PTPRT: variants seen among roughly 807,000 people sequenced by gnomAD.
PTPRT encodes the protein receptor-type tyrosine-protein phosphatase T.
In PTPRT, 56 loss-of-function variants were observed where a neutral mutation model predicts 176.8. The observed-to-expected ratio is 0.32, with a 90% CI of 0.26 to 0.40. PTPRT has a LOEUF of 0.40. Among genes scored for constraint, PTPRT ranks in the 10% least tolerant of loss-of-function variants. PTPRT has a pLI of 1.00. For synonymous variants in PTPRT, 783 were observed against 739.0 expected (o/e 1.06, Z -0.96); for missense variants, 1,540 against 1,908.2 (o/e 0.81, Z 3.60).
chr20:42,618,836 C>G (rs1329781685), intron 7 of PTPRT, among the ~76,000 whole-genome samples: 1 of 141,180 alleles, frequency 7.1e-6, no homozygotes, highest in Non-Finnish European at 1.5e-5. Context: ...ATGTGTGTCT[C>G]TGCACGTGAG....
chr20:43,009,929 A>T (rs1249435385), intron 1 of PTPRT, among the ~76,000 whole-genome samples: 2 of 152,098 alleles, frequency 1.3e-5, no homozygotes, highest in Non-Finnish European at 2.9e-5. Context: ...AGATTTCACC[A>T]ATCTGCCCTC....
chr20:43,118,838 A>C (rs2013152469), intron 1 of PTPRT, among the ~76,000 whole-genome samples: 1 of 152,172 alleles, frequency 6.6e-6, no homozygotes, highest in African/African-American at 2.4e-5. Flanking sequence ...ATTCCAACCA[A>C]ATCCTGTGTA....
intron 7 of PTPRT, among the ~76,000 whole-genome samples, chr20:42,640,307 T>A (rs915978503): frequency 6.6e-6 from 1 of 152,172 alleles, no homozygotes; most frequent in African/African-American, 2.4e-5. Flanking sequence ...TTTAGTCACA[T>A]TGTTTGGTAT....
intron 9 of PTPRT, among the ~76,000 whole-genome samples, chr20:42,371,307 T>C (rs1307549085): frequency 6.6e-6 from 1 of 152,216 alleles, no homozygotes; most frequent in African/African-American, 2.4e-5. Context: ...GTCAAAGCAC[T>C]GATTATTTGG....
intron 1 of PTPRT, among the ~76,000 whole-genome samples, chr20:42,959,314 TAA>T (rs1981851889): frequency 6.6e-6 from 1 of 151,966 alleles, no homozygotes. Context: ...TAAATAAAAA[TAA>T]AAAGTTAGAG....
chr20:42,526,814 C>A (rs1198475619), intron 7 of PTPRT, among the ~76,000 whole-genome samples: 2 of 151,996 alleles, frequency 1.3e-5, no homozygotes, highest in African/African-American at 4.8e-5. Context: ...AGCAGAAATT[C>A]TCTCCAGTTT....
intron 7 of PTPRT, among the ~76,000 whole-genome samples, chr20:42,648,831 T>TG (rs1236302153): frequency 4.8e-5 from 7 of 146,980 alleles, no homozygotes; most frequent in Non-Finnish European, 7.4e-5. Flanking sequence ...TTTTTTTTTT[T>TG]TTTTTTTGAC....
chr20:43,061,508 T>A (rs1168607978), intron 1 of PTPRT, among the ~76,000 whole-genome samples: 2 of 152,218 alleles, frequency 1.3e-5, no homozygotes, highest in Admixed American at 1.3e-4. Context: ...CCTCTAGATG[T>A]CATCTTTTAA....
intron 7 of PTPRT, among the ~76,000 whole-genome samples, chr20:42,481,756 GA>G (rs1409054207): frequency 2.0e-5 from 3 of 147,828 alleles, no homozygotes; most frequent in Admixed American, 6.8e-5. Flanking sequence ...GTCTCTAAAA[GA>G]AAAAAACCAT....
intron 14 of PTPRT, among the ~76,000 whole-genome samples, chr20:42,236,797 A>G (rs776481151): frequency 5.3e-5 from 8 of 152,222 alleles, no homozygotes; most frequent in Non-Finnish European, 1.0e-4. Context: ...AGGAAATCAT[A>G]TAGCCAGTAC....
intron 9 of PTPRT, among the ~76,000 whole-genome samples, chr20:42,362,975 G>A (rs748419998): frequency 2.2e-4 from 33 of 151,456 alleles, no homozygotes; most frequent in Non-Finnish European, 3.4e-4. Flanking sequence ...GCATGGTGGC[G>A]GGCGCGGGTA....
intron 6 of PTPRT, among the ~76,000 whole-genome samples, chr20:42,754,311 G>A (rs1020261381): frequency 6.6e-5 from 10 of 152,056 alleles, no homozygotes; most frequent in Admixed American, 2.6e-4. Context: ...TCAACCTCCC[G>A]AGCAGCTGGG....
intron 7 of PTPRT, among the ~76,000 whole-genome samples, chr20:42,520,267 G>C (rs567742007): frequency 2.2e-4 from 34 of 152,048 alleles, no homozygotes; most frequent in African/African-American, 7.7e-4. Context: ...GACAAATATA[G>C]AGCTTAATGA....
chr20:42,034,982 G>A, the PTPRT span, among the ~76,000 whole-genome samples: 1 of 152,132 alleles, frequency 6.6e-6, no homozygotes, highest in Non-Finnish European at 1.5e-5. Context: ...CTGGCTCAGG[G>A]TTAGGGGTTC....
chr20:42,845,515 T>C (rs1265277714), intron 2 of PTPRT, among the ~76,000 whole-genome samples: 1 of 152,218 alleles, frequency 6.6e-6, no homozygotes, highest in Non-Finnish European at 1.5e-5. Flanking sequence ...CTCTGAGTTT[T>C]CTACGAATGC....
At chr20:42,460,590 T>C (rs1185242054) in intron 8 of PTPRT, among the ~76,000 whole-genome samples, 3 of 152,202 alleles carry the variant, frequency 2.0e-5, no homozygotes, top group Non-Finnish European at 4.4e-5. Context: ...TCTCTACATG[T>C]CAAGGGAGAC....
Position 42,689,065 on chromosome 20 carries a change from G to A in PTPRT, c.860-10906C>T, listed in dbSNP as rs191515561. ...GGGAAGCACTGGGTAGAAGAGGGTGGTTCCCCAGTAAGGGCCCCACCCTCA... is the reference window on the plus strand; with the variant it reads ...GGGAAGCACTGGGTAGAAGAGGGTGATTCCCCAGTAAGGGCCCCACCCTCA... On this transcript the variant is annotated intron_variant, in intron 6 of 30. Coordinates refer to ENST00000373187, the MANE Select transcript of PTPRT (RefSeq NM_007050.6). Among the ~76,000 whole-genome samples the A allele has an allele frequency of 5.9e-3, 902 of 152,270 alleles. 6 individuals are homozygous for A. The highest frequency in any genetic ancestry group is 8.5e-3 in the Non-Finnish European group (579 of 68,014).
intron 8 of PTPRT, among the ~76,000 whole-genome samples, chr20:42,469,124 T>A (rs2071149877): frequency 6.6e-6 from 1 of 152,148 alleles, no homozygotes; most frequent in Non-Finnish European, 1.5e-5. Flanking sequence ...TAGTACCTTA[T>A]AACATGCTGG....
intron 13 of PTPRT, among the ~76,000 whole-genome samples, chr20:42,276,202 A>G (rs1442254699): frequency 6.6e-6 from 1 of 151,996 alleles, no homozygotes; most frequent in South Asian, 2.1e-4. Flanking sequence ...ATACATGTCC[A>G]TAAAAGAATA....
Sources: gnomAD v4.1 joint callset for allele counts (sites outside exome capture counted in the v4.1 genomes callset) on GRCh38, gnomAD v4.1.1 for gene constraint, MANE v1.5 for transcripts, NCBI Gene and HGNC (gene_info 2026-07-23, HGNC 2026-07-21) for gene names.